Variants in EPHA8 observed in about 807,000 individuals in gnomAD.
EPHA8 encodes the protein ephrin type-A receptor 8.
A neutral mutation model predicts 103.6 loss-of-function variants in EPHA8; 58 were observed. The observed-to-expected ratio is 0.56, with a 90% CI of 0.45 to 0.70. The LOEUF (loss-of-function observed/expected upper bound fraction) is 0.70, where lower values mean the gene tolerates loss of function less well. Ranked by LOEUF, EPHA8 falls within the 30% of genes least tolerant of loss-of-function variation. The pLI is 0.00. For synonymous variants in EPHA8, 559 were observed against 572.5 expected (o/e 0.98, Z 0.34); for missense variants, 1,304 against 1,395.2 (o/e 0.93, Z 1.04).
rs1334806177 is a variant in EPHA8, at chr1:22,597,927, C to T, written c.2116+66C>T. 4.5e-6 allele frequency: 7 copies of T among 1,551,056 alleles called. No individual in the cohort carries two copies. The highest frequency in any genetic ancestry group is 1.4e-5 in the African/African-American group (1 of 73,422). ...TCCTGCCTGGAGAGGCCTCTGGGTC[C>T]ATCCCCTCATCCATCCTGCTCTGCC... On this transcript the variant is annotated intron_variant, in intron 11 of 16. Transcript: ENST00000166244. This position sits in a 1 kb window ranked among gnomAD's most constrained non-coding sequence, Gnocchi z 4.6.
At chr1:22,572,876 C>T (rs1365993792) in intron 2 of EPHA8, among the ~76,000 whole-genome samples, 1 of 152,236 alleles carries the variant, frequency 6.6e-6, no homozygotes, top group Non-Finnish European at 1.5e-5. Flanking sequence ...TTGCACCAGA[C>T]CTCCAGGAGT....
rs1391240451 is a variant in EPHA8 at position 22,578,046 on chromosome 1, C to T, written c.823+1166C>T. Among the ~76,000 whole-genome samples the T allele has an allele frequency of 1.5e-4, 7 of 45,512 alleles. No individual in the cohort carries two copies. In the South Asian group the frequency reaches 3.4e-3, roughly 22 times the overall value. 29.9% of individuals were successfully genotyped at this position (45,512 alleles called of 152,430 possible). A position where few individuals can be genotyped will look rare whatever the true frequency, so the allele number is the denominator to read the frequency against. ...ACATGTGTGCATGTGTATGTATGTG[C>T]ATGTGTGTGCATGTGTGCATGAGTA... On this transcript the variant is annotated intron_variant, in intron 3 of 16. Coordinates refer to ENST00000166244, the MANE Select transcript of EPHA8 (RefSeq NM_020526.5).
chr1:22,579,116 TAC>T (rs1230846845), intron 3 of EPHA8, among the ~76,000 whole-genome samples: 1 of 125,916 alleles, frequency 7.9e-6, no homozygotes, highest in Non-Finnish European at 1.8e-5. Flanking sequence ...TGTGCATGTG[TAC>T]GTGTATGTGT....
Position 22,601,857 on chromosome 1 carries a change from G to A in EPHA8, c.*116G>A. ...GCCCCAGGCCTCTGCCCTCCTCTCA[G>A]GTGCTGGAGGAGCTGAAGGCTTCGC... On this transcript the variant is annotated 3_prime_UTR_variant, in exon 17 of 17. Coordinates refer to ENST00000166244, the MANE Select transcript of EPHA8 (RefSeq NM_020526.5). 1 of 971,534 alleles carries A rather than the reference G, an allele frequency of 1.0e-6. No individual in the cohort carries two copies. The highest frequency in any genetic ancestry group is 1.5e-6 in the Non-Finnish European group (1 of 656,082). 60.2% of individuals were successfully genotyped at this position (971,534 alleles called of 1,614,324 possible).
rs1342280089 is a variant in EPHA8, at chr1:22,589,356, C to CTGGA, written c.1315+151_1315+154dup. ...CTGCGCTCCTCACCAGGACCCAGAGCTGGAGGCTCTTCATTGCCTTTAGAA... is the reference window on the plus strand; with the variant it reads ...CTGCGCTCCTCACCAGGACCCAGAGCTGGATGGAGGCTCTTCATTGCCTTTAGAA... On this transcript the variant is annotated intron_variant, in intron 5 of 16. Transcript: ENST00000166244. This position sits in a 1 kb window ranked among gnomAD's most constrained non-coding sequence, Gnocchi z 4.3. The CTGGA allele has an allele frequency of 6.4e-7, 1 of 1,573,698 alleles. No homozygotes were observed. The highest frequency in any genetic ancestry group is 1.4e-5 in the African/African-American group (1 of 73,484).
chr1:22,601,576 C>T lies in EPHA8; in HGVS notation c.2904-51C>T, dbSNP rs10917265. The T allele has an allele frequency of 3.9e-3, 6,180 of 1,582,434 alleles. 169 individuals are homozygous for T. The African/African-American group carries it at 0.067, about 17-fold the overall frequency. ...AGATCCATGGCCCTGGCTGCGTGCG[C>T]GGCTCCCAGCCTCCCAGGCCCAGCT... On this transcript the variant is annotated intron_variant, in intron 16 of 16. Transcript: ENST00000166244.
In EPHA8 at chr1:22,589,035, G is replaced by A. The variant is rs769118581; in HGVS notation, c.1144G>A (p.Gly382Ser). 71 of 1,612,370 alleles carry A rather than the reference G, an allele frequency of 4.4e-5. No homozygotes were observed. Among genetic ancestry groups the A allele is most frequent in the Admixed American group, 6.7e-5 (4 of 59,864 alleles). Residue 382 changes from glycine to serine, a missense_variant, in exon 5 of 17, where the codon GGC (glycine) becomes AGC (serine). By Grantham distance (56) the Gly-to-Ser change is moderately conservative. Transcript: ENST00000166244. This position sits in a 1 kb window ranked among gnomAD's most constrained non-coding sequence, Gnocchi z 4.3. ...ALSRCEACGS[G>S]TRFVPQQTSL... ...GAGCCGCTGCGAGGCATGTGGGAGC[G>A]GCACCCGCTTTGTGCCCCAGCAGAC... is the stretch of plus-strand genomic sequence containing the variant.
intron 4 of EPHA8, 114 bp from the exon 5 acceptor site, chr1:22,588,757 G>A (rs1641288082): frequency 6.7e-7 from 1 of 1,490,226 alleles, no homozygotes; most frequent in Admixed American, 2.3e-5. Flanking sequence ...TATCCTTAAG[G>A]AGCCCTAAAT....
intron 5 of EPHA8, among the ~76,000 whole-genome samples, chr1:22,592,554 G>C (rs1641401348): frequency 6.6e-6 from 1 of 152,146 alleles, no homozygotes; most frequent in South Asian, 2.1e-4. Context: ...AGCATTTATT[G>C]GGCACCTACT....
In EPHA8 at chr1:22,589,635, C is replaced by A; in HGVS notation, c.1315+429C>A. ...TAAAAAATAAAATCACTCGGATGAT[C>A]ATTTTCCAGAACAGCTGCTACAGCT... is the stretch of plus-strand genomic sequence containing the variant. On this transcript the variant is annotated intron_variant, in intron 5 of 16. Transcript: ENST00000166244. The surrounding 1 kb of genome is among the most constrained non-coding windows in gnomAD (Gnocchi z 4.3). The A allele has an allele frequency of 8.2e-7, 1 of 1,218,054 alleles. No individual in the cohort carries two copies. Among genetic ancestry groups the A allele is most frequent in the Non-Finnish European group, 1.0e-6 (1 of 978,944 alleles). The allele number at this position is 1,218,054 out of a possible 1,614,324, so 75.5% of individuals were successfully genotyped here. A position where few individuals can be genotyped will look rare whatever the true frequency, so the allele number is the denominator to read the frequency against.
chr1:22,577,031 A>C, intron 3 of EPHA8, 151 bp downstream of exon 3: 2 of 979,418 alleles, frequency 2.0e-6, no homozygotes, highest in Non-Finnish European at 2.9e-6. Flanking sequence ...CAGTGTTCCT[A>C]CATCAGGAAA....
Position 22,576,515 on chromosome 1 carries a change from G to A in EPHA8, c.458G>A (p.Ser153Asn), listed in dbSNP as rs1247192999. 1 of 1,614,070 alleles carries A rather than the reference G, an allele frequency of 6.2e-7. No homozygotes were observed. Among genetic ancestry groups the A allele is most frequent in the East Asian group, 2.2e-5 (1 of 44,896 alleles). Reference sequence around the variant, plus strand: ...ATCGACACCATTGCGGCCGACGAGAGCTTCACAGGTGCCGACCTTGGTGTG... The same window carrying A: ...ATCGACACCATTGCGGCCGACGAGAACTTCACAGGTGCCGACCTTGGTGTG... The part of the protein sequence containing the change: ...LKIDTIAADE[S>N]FTGADLGVRR... The change falls in exon 3 of 17, where the codon AGC becomes AAC. Residue 153 changes from serine (S) to asparagine (N), a missense_variant. Coordinates refer to ENST00000166244, the MANE Select transcript of EPHA8 (RefSeq NM_020526.5). This position sits in a 1 kb window ranked among gnomAD's most constrained non-coding sequence, Gnocchi z 4.8.
Position 22,576,608 on chromosome 1 carries a change from C to T in EPHA8, c.551C>T (p.Ala184Val), listed in dbSNP as rs753237688. Reference sequence around the variant, plus strand: ...CTCAGCAAGCGCGGCTTCTACCTGGCCTTCCAGGACATAGGTGCCTGCCTG... The same window carrying T: ...CTCAGCAAGCGCGGCTTCTACCTGGTCTTCCAGGACATAGGTGCCTGCCTG... ...GPLSKRGFYL[A>V]FQDIGACLAI... Residue 184 changes from alanine to valine, a missense_variant, in exon 3 of 17, where the codon GCC (alanine) becomes GTC (valine). By Grantham distance (64) the Ala-to-Val change is moderately conservative. Coordinates refer to ENST00000166244, the MANE Select transcript of EPHA8 (RefSeq NM_020526.5). The surrounding 1 kb of genome is among the most constrained non-coding windows in gnomAD (Gnocchi z 4.8). The T allele has an allele frequency of 5.0e-6, 8 of 1,613,892 alleles. No homozygotes were observed. The East Asian group carries it at 1.3e-4, about 27-fold the overall frequency.
chr1:22,595,398 G>A (rs1480551876), intron 8 of EPHA8, 75 bp downstream of exon 8: 8 of 1,291,894 alleles, frequency 6.2e-6, no homozygotes, highest in Admixed American at 2.0e-5. Context: ...CAGCCCCACC[G>A]AGCCGGTGGT....
chr1:22,599,695 G>A (rs1190411308), intron 13 of EPHA8, among the ~76,000 whole-genome samples: 1 of 36,732 alleles, frequency 2.7e-5, no homozygotes, highest in Non-Finnish European at 4.9e-5. Context: ...AGGAAAGGAG[G>A]GAGGGAGGAA....
At position 22,564,343 on chromosome 1, in the gene EPHA8, C is replaced by G. The variant is rs117645615; in HGVS notation, c.94+614C>G. Among the ~76,000 whole-genome samples, 148 of 144,234 alleles carry G rather than the reference C, an allele frequency of 1.0e-3. 2 individuals are homozygous for G. The East Asian group carries it at 0.025, about 24-fold the overall frequency. The allele number at this position is 144,234 out of a possible 152,430, so 94.6% of individuals were successfully genotyped here. A position where few individuals can be genotyped will look rare whatever the true frequency, so the allele number is the denominator to read the frequency against. ...TCAGGGCCCGAGGGCCACAGTCTGGCGACGGGCTGGGGAGAAGAAGGGAGG... is the reference window on the plus strand; with the variant it reads ...TCAGGGCCCGAGGGCCACAGTCTGGGGACGGGCTGGGGAGAAGAAGGGAGG... On this transcript the variant is annotated intron_variant, in intron 1 of 16. Coordinates refer to ENST00000166244, the MANE Select transcript of EPHA8 (RefSeq NM_020526.5).
At chr1:22,568,465 C>T (rs940201726) in intron 1 of EPHA8, among the ~76,000 whole-genome samples, 4 of 152,290 alleles carry the variant, frequency 2.6e-5, no homozygotes, top group East Asian at 1.9e-4. Context: ...GCAAGTGCTC[C>T]GAATGGCAGC....
rs752266814 is a variant in EPHA8, at chr1:22,576,524, G to A, written c.467G>A (p.Gly156Asp). The A allele has an allele frequency of 6.2e-7, 1 of 1,614,172 alleles. No individual in the cohort carries two copies. Among genetic ancestry groups the A allele is most frequent in the Admixed American group, 1.7e-5 (1 of 60,028 alleles). Reference protein sequence around the residue: ...DTIAADESFTGADLGVRRLKL... With the variant: ...DTIAADESFTDADLGVRRLKL... ...ATTGCGGCCGACGAGAGCTTCACAG[G>A]TGCCGACCTTGGTGTGCGGCGTCTC... The change falls in exon 3 of 17, where the codon GGT becomes GAT. Residue 156 changes from glycine to aspartate, a missense_variant. Physicochemically the swap from Gly to Asp is moderately conservative, Grantham distance 94 (BLOSUM62 -1). Coordinates refer to ENST00000166244, the MANE Select transcript of EPHA8 (RefSeq NM_020526.5). This position sits in a 1 kb window ranked among gnomAD's most constrained non-coding sequence, Gnocchi z 4.8.
chr1:22,598,714 C>T lies in EPHA8; in HGVS notation c.2179-124C>T, dbSNP rs927526390. ...CTGCAAAGTGCTTCAGAAGTAGTGG[C>T]GCACTTGGCAAATTGCAAAGCACCG... On this transcript the variant is annotated intron_variant, in intron 12 of 16. Coordinates refer to ENST00000166244, the MANE Select transcript of EPHA8 (RefSeq NM_020526.5). The surrounding 1 kb of genome is among the most constrained non-coding windows in gnomAD (Gnocchi z 5.1). 47 of 915,296 alleles carry T rather than the reference C, an allele frequency of 5.1e-5. No homozygotes were observed. The highest frequency in any genetic ancestry group is 1.5e-4 in the African/African-American group (9 of 60,780). The allele number at this position is 915,296 out of a possible 1,614,324, so 56.7% of individuals were successfully genotyped here.
Sources: allele counts gnomAD v4.1 joint callset (sites outside exome capture counted in the v4.1 genomes callset), GRCh38; gene constraint gnomAD v4.1.1; non-coding constraint Gnocchi (gnomAD v3.1); transcripts MANE v1.5; gene names NCBI Gene and HGNC (gene_info 2026-07-23, HGNC 2026-07-21).